The following TENM4 variants were observed in gnomAD, a reference collection of about 807,000 sequenced individuals.
The protein encoded by TENM4 is teneurin transmembrane protein 4.
A neutral mutation model predicts 243.3 loss-of-function variants in TENM4; 82 were observed. That is an observed-to-expected ratio of 0.34 (90% CI 0.28 to 0.40). The LOEUF (loss-of-function observed/expected upper bound fraction) is 0.40, where lower values mean the gene tolerates loss of function less well. Among genes scored for constraint, TENM4 ranks in the 10% least tolerant of loss-of-function variants. TENM4 has a pLI of 1.00. For synonymous variants in TENM4, 1,412 were observed against 1,456.3 expected (o/e 0.97, Z 0.69); for missense variants, 3,138 against 3,673.3 (o/e 0.85, Z 3.77).
intron 6 of TENM4, among the ~76,000 whole-genome samples, chr11:79,052,417 T>C (rs763933365): frequency 5.3e-5 from 8 of 152,240 alleles, no homozygotes; most frequent in Non-Finnish European, 1.2e-4. Context: ...CGCATGTATA[T>C]CTTCTTTTGA....
chr11:79,053,764 T>C (rs1170699687), intron 6 of TENM4, among the ~76,000 whole-genome samples: 1 of 152,186 alleles, frequency 6.6e-6, no homozygotes, highest in Non-Finnish European at 1.5e-5. Context: ...TATGGGTAAT[T>C]GCTGCCTCCT....
chr11:78,664,062 A>G (rs577291259), intron 32 of TENM4, among the ~76,000 whole-genome samples: 46 of 152,268 alleles, frequency 3.0e-4, no homozygotes, highest in Non-Finnish European at 5.7e-4. Flanking sequence ...CAGTGTCCAA[A>G]TTCTGGCTCC....
intron 6 of TENM4, among the ~76,000 whole-genome samples, chr11:78,905,351 A>G (rs1370109285): frequency 6.6e-6 from 1 of 152,162 alleles, no homozygotes; most frequent in Non-Finnish European, 1.5e-5. Context: ...GAGTAAATCA[A>G]CCTTTTATGC....
chr11:78,658,869 G>A (rs1345246544), intron 33 of TENM4, 53 bp from the exon 34 acceptor site: 45 of 1,546,406 alleles, frequency 2.9e-5, no homozygotes, highest in Non-Finnish European at 3.9e-5. Context: ...AAAAAACCCT[G>A]AGAACCTGGA....
At chr11:79,272,467 T>A (rs149946928) in intron 2 of TENM4, among the ~76,000 whole-genome samples, 82 of 152,304 alleles carry the variant, frequency 5.4e-4, no homozygotes, top group Non-Finnish European at 1.0e-3. Context: ...TCATGGGACA[T>A]TTTATATTCT....
At chr11:78,704,603 G>A (rs185501524) in intron 27 of TENM4, among the ~76,000 whole-genome samples, 43 of 152,278 alleles carry the variant, frequency 2.8e-4, no homozygotes, top group Admixed American at 2.3e-3. Flanking sequence ...TTACAGAACT[G>A]TAAGCACAGT....
chr11:79,359,978 C>A (rs2135491455), intron 1 of TENM4, among the ~76,000 whole-genome samples: 1 of 152,238 alleles, frequency 6.6e-6, no homozygotes, highest in South Asian at 2.1e-4. Context: ...ATGGCATGTA[C>A]AGTTGATAAC....
At chr11:78,751,564 T>G (rs960416969) in intron 19 of TENM4, among the ~76,000 whole-genome samples, 56 of 152,326 alleles carry the variant, frequency 3.7e-4, no homozygotes, top group African/African-American at 1.3e-3. Context: ...AAACCTATTC[T>G]GAATCTATAT....
In TENM4 at chr11:78,659,675, A is replaced by G. The variant is rs1565318185; in HGVS notation, c.7552-859T>C. On this transcript the variant is annotated intron_variant, in intron 33 of 33. Transcript: ENST00000278550. The stretch of plus-strand genomic sequence containing the variant: ...CTTCACTGCTCTCCACTGCATTTAC[A>G]TCTGATTTCTAAGGAAGGCCTCTGC... Among the ~76,000 whole-genome samples, 7 of 152,154 alleles carry G rather than the reference A, an allele frequency of 4.6e-5. No individual in the cohort carries two copies. In the South Asian group the frequency reaches 1.5e-3, roughly 32 times the overall value.
intron 19 of TENM4, among the ~76,000 whole-genome samples, chr11:78,740,609 G>A (rs1855906521): frequency 6.6e-6 from 1 of 152,208 alleles, no homozygotes; most frequent in Non-Finnish European, 1.5e-5. Context: ...TTTCTTTAAT[G>A]GAGGACAATT....
chr11:79,154,929 A>G (rs1862574212), intron 3 of TENM4, among the ~76,000 whole-genome samples: 1 of 152,198 alleles, frequency 6.6e-6, no homozygotes, highest in Non-Finnish European at 1.5e-5. Flanking sequence ...GGACCAGGGC[A>G]GGGCACATAG....
intron 9 of TENM4, among the ~76,000 whole-genome samples, chr11:78,883,293 C>T (rs1002533135): frequency 1.3e-5 from 2 of 151,822 alleles, no homozygotes; most frequent in Admixed American, 6.5e-5. Context: ...ACCTGCACAA[C>T]AGCCTTATGA....
intron 18 of TENM4, 77 bp from the exon 19 acceptor site, chr11:78,757,098 T>A: frequency 2.8e-6 from 4 of 1,411,190 alleles, no homozygotes; most frequent in Non-Finnish European, 3.8e-6. Context: ...CTTAATTCAT[T>A]TCTTCTCTAT....
intron 6 of TENM4, among the ~76,000 whole-genome samples, chr11:78,953,829 A>T (rs1172423849): frequency 6.6e-6 from 1 of 152,150 alleles, no homozygotes; most frequent in East Asian, 1.9e-4. Context: ...CCTGTGGATC[A>T]AGAGAGAAGA....
At chr11:78,940,818 G>A (rs988982951) in intron 6 of TENM4, among the ~76,000 whole-genome samples, 2 of 152,128 alleles carry the variant, frequency 1.3e-5, no homozygotes, top group Non-Finnish European at 2.9e-5. Context: ...ACAGGTGTGG[G>A]GAGATTATCT....
At chr11:78,699,024 T>G (rs1342044446) in intron 28 of TENM4, among the ~76,000 whole-genome samples, 1 of 152,252 alleles carries the variant, frequency 6.6e-6, no homozygotes, top group Non-Finnish European at 1.5e-5. Flanking sequence ...TTAAAACTTT[T>G]GTCTACTCTT....
At chr11:78,850,999 A>C (rs1858524554) in intron 12 of TENM4, among the ~76,000 whole-genome samples, 1 of 152,206 alleles carries the variant, frequency 6.6e-6, no homozygotes, top group Non-Finnish European at 1.5e-5. Flanking sequence ...CCTGGGCTTC[A>C]CCGCAGGCCT....
chr11:78,733,241 GCCTCC>G (rs1378445058), intron 20 of TENM4, among the ~76,000 whole-genome samples: 1 of 152,210 alleles, frequency 6.6e-6, no homozygotes, highest in Non-Finnish European at 1.5e-5. Flanking sequence ...CTGAGTGCCA[GCCTCC>G]TAGTTGAGAT....
At position 79,027,993 on chromosome 11, in the gene TENM4, T is replaced by C. The variant is rs186998322; in HGVS notation, c.493+36745A>G. Among the ~76,000 whole-genome samples the C allele has an allele frequency of 1.1e-4, 17 of 152,246 alleles. No individual in the cohort carries two copies. The East Asian group carries it at 3.3e-3, about 29-fold the overall frequency. On this transcript the variant is annotated intron_variant, in intron 6 of 33. Transcript: ENST00000278550. Reference sequence around the variant, plus strand: ...CATAAAGCTAGCACATGGAAGAACCTCAAATAAACCCTGAGAAGCCATAGA... The same window carrying C: ...CATAAAGCTAGCACATGGAAGAACCCCAAATAAACCCTGAGAAGCCATAGA...
Sources: gnomAD v4.1 joint callset for allele counts (sites outside exome capture counted in the v4.1 genomes callset) on GRCh38, gnomAD v4.1.1 for gene constraint, MANE v1.5 for transcripts, NCBI Gene and HGNC (gene_info 2026-07-23, HGNC 2026-07-21) for gene names.